Variants in FHIT observed in about 807,000 individuals in gnomAD.
The protein encoded by FHIT is bis(5'-adenosyl)-triphosphatase.
In FHIT, 19 loss-of-function variants were observed where a neutral mutation model predicts 17.9. That is an observed-to-expected ratio of 1.06 (90% confidence interval 0.74 to 1.56). The LOEUF is 1.56. Ranked by LOEUF, FHIT falls within the 40% of genes most tolerant of loss-of-function variation. The pLI is 0.00. For missense variants in FHIT, 248 were observed against 189.2 expected (o/e 1.31, Z -1.82); for synonymous variants, 81 against 69.7 (o/e 1.16, Z -0.81).
At chr3:60,995,087 G>T (rs1475504958) in intron 3 of FHIT, among the ~76,000 whole-genome samples, 2 of 152,106 alleles carry the variant, frequency 1.3e-5, no homozygotes, top group African/African-American at 4.8e-5. Context: ...TTGGGAGGCC[G>T]AGGCGGGCGG....
chr3:60,804,498 A>G (rs932135832), intron 4 of FHIT, among the ~76,000 whole-genome samples: 1 of 152,220 alleles, frequency 6.6e-6, no homozygotes, highest in East Asian at 1.9e-4. Flanking sequence ...TAACCCATCT[A>G]TGCCTCAGTT....
intron 8 of FHIT, among the ~76,000 whole-genome samples, chr3:59,852,641 T>C (rs1701987299): frequency 6.6e-6 from 1 of 152,114 alleles, no homozygotes; most frequent in Non-Finnish European, 1.5e-5. Context: ...ATAGAGTAGT[T>C]TCATTGTCCT....
intron 5 of FHIT, among the ~76,000 whole-genome samples, chr3:60,091,849 CG>C (rs961165436): frequency 6.6e-6 from 1 of 152,052 alleles, no homozygotes; most frequent in African/African-American, 2.4e-5. Context: ...CCCTAGAAGC[CG>C]AAGCTGCTAT....
chr3:60,733,368 T>C (rs772151966), intron 4 of FHIT, among the ~76,000 whole-genome samples: 17 of 152,380 alleles, frequency 1.1e-4, no homozygotes, highest in Admixed American at 6.5e-4. Context: ...AAATCTTTTA[T>C]TGTTCCAATA....
chr3:60,125,038 T>C (rs549643157), intron 5 of FHIT, among the ~76,000 whole-genome samples: 34 of 152,278 alleles, frequency 2.2e-4, no homozygotes, highest in South Asian at 1.2e-3. Flanking sequence ...GCTGAAACAA[T>C]CTACAATATT....
At chr3:60,554,506 A>T (rs2036677737) in intron 4 of FHIT, among the ~76,000 whole-genome samples, 1 of 152,196 alleles carries the variant, frequency 6.6e-6, no homozygotes, top group African/African-American at 2.4e-5. Flanking sequence ...ACATATTGGG[A>T]CATCAACTCA....
chr3:60,960,524 T>G (rs1273807061), intron 3 of FHIT, among the ~76,000 whole-genome samples: 1 of 152,230 alleles, frequency 6.6e-6, no homozygotes, highest in African/African-American at 2.4e-5. Context: ...CTGCACCCAT[T>G]AACTCATCAT....
intron 7 of FHIT, among the ~76,000 whole-genome samples, chr3:59,985,159 T>C (rs1396164942): frequency 6.6e-6 from 1 of 152,102 alleles, no homozygotes; most frequent in Non-Finnish European, 1.5e-5. Context: ...GGCATGCAGC[T>C]TCTGGACATG....
intron 5 of FHIT, among the ~76,000 whole-genome samples, chr3:60,278,720 CA>C (rs34671935): frequency 1.8e-3 from 263 of 148,278 alleles, no homozygotes; most frequent in African/African-American, 5.5e-3. Context: ...AACCTCATAA[CA>C]AAAAAAAAAA....
chr3:59,809,385 T>C (rs1700326307), intron 8 of FHIT, among the ~76,000 whole-genome samples: 2 of 152,180 alleles, frequency 1.3e-5, no homozygotes, highest in Non-Finnish European at 2.9e-5. Flanking sequence ...CCCCAGAACT[T>C]TCAGAGAGAG....
chr3:60,781,920 A>G (rs1323876285), intron 4 of FHIT, among the ~76,000 whole-genome samples: 4 of 152,172 alleles, frequency 2.6e-5, no homozygotes, highest in Admixed American at 2.6e-4. Context: ...GTCTGGAATG[A>G]TTAAATCAAG....
At chr3:59,805,109 T>A (rs1700144856) in intron 8 of FHIT, among the ~76,000 whole-genome samples, 1 of 152,040 alleles carries the variant, frequency 6.6e-6, no homozygotes, top group Admixed American at 6.6e-5. Flanking sequence ...TGGGAGGCTG[T>A]ATGGGGCACG....
chr3:60,444,214 G>A (rs372175528), intron 5 of FHIT, among the ~76,000 whole-genome samples: 1 of 152,152 alleles, frequency 6.6e-6, no homozygotes, highest in African/African-American at 2.4e-5. Flanking sequence ...GAGAGGATGT[G>A]GAGAAATAGG....
intron 5 of FHIT, among the ~76,000 whole-genome samples, chr3:60,119,518 T>C (rs1705149514): frequency 1.3e-5 from 2 of 152,224 alleles, no homozygotes; most frequent in Non-Finnish European, 2.9e-5. Flanking sequence ...AACAGCATTA[T>C]AAAATCCAGG....
chr3:60,304,098 G>C (rs1379064582), intron 5 of FHIT, among the ~76,000 whole-genome samples: 1 of 152,060 alleles, frequency 6.6e-6, no homozygotes, highest in Non-Finnish European at 1.5e-5. Flanking sequence ...TAGACACACA[G>C]ATGTTCTAGA....
chr3:60,530,161 C>T (rs182664801), intron 5 of FHIT, among the ~76,000 whole-genome samples: 23 of 152,264 alleles, frequency 1.5e-4, no homozygotes, highest in Non-Finnish European at 2.6e-4. Context: ...ACAGTTAAAA[C>T]TATCATTAAG....
intron 5 of FHIT, among the ~76,000 whole-genome samples, chr3:60,027,721 T>TAA (rs11433582): frequency 0.27 from 39,088 of 144,482 alleles, 5,366 homozygotes; most frequent in East Asian, 0.45. Flanking sequence ...ATTTAGTTTA[T>TAA]AAAAAAAAAA....
intron 3 of FHIT, among the ~76,000 whole-genome samples, chr3:61,031,506 A>T (rs2033008625): frequency 6.6e-6 from 1 of 152,152 alleles, no homozygotes. Flanking sequence ...AAATAGTTTC[A>T]ATTTTTTCTT....
chr3:60,362,753 G>C (rs949577161), intron 5 of FHIT, among the ~76,000 whole-genome samples: 1 of 152,096 alleles, frequency 6.6e-6, no homozygotes, highest in South Asian at 2.1e-4. Flanking sequence ...TCAATAAAAC[G>C]TGGATCAGAT....
Sources: allele counts gnomAD v4.1 joint callset (sites outside exome capture counted in the v4.1 genomes callset), GRCh38; gene constraint gnomAD v4.1.1; transcripts MANE v1.5; gene names NCBI Gene and HGNC (gene_info 2026-07-23, HGNC 2026-07-21).